GNA12: variants seen among roughly 807,000 people sequenced by gnomAD.
The protein encoded by GNA12 is G protein subunit alpha 12, also known as guanine nucleotide-binding protein subunit alpha-12.
In GNA12, 9 loss-of-function variants were observed where a neutral mutation model predicts 26.0. The ratio of observed to expected loss-of-function variants is 0.35; its 90% CI spans 0.21 to 0.60. The LOEUF (loss-of-function observed/expected upper bound fraction) is 0.60, where lower values mean the gene tolerates loss of function less well. Among genes scored for constraint, GNA12 ranks in the 20% least tolerant of loss-of-function variants. The pLI is 0.78. For missense variants in GNA12, 405 were observed against 525.8 expected (o/e 0.77, Z 2.25); for synonymous variants, 264 against 219.6 (o/e 1.20, Z -1.79).
At chr7:2,829,549 GCATCT>G (rs1370284581) in intron 1 of GNA12, among the ~76,000 whole-genome samples, 1 of 152,080 alleles carries the variant, frequency 6.6e-6, no homozygotes, top group Non-Finnish European at 1.5e-5. Context: ...ATTTCCCTGT[GCATCT>G]CATGTTAATG....
At chr7:2,817,357 C>A (rs1793241806) in intron 1 of GNA12, among the ~76,000 whole-genome samples, 1 of 152,288 alleles carries the variant, frequency 6.6e-6, no homozygotes, top group South Asian at 2.1e-4. Context: ...TCCTCCCACC[C>A]CTGCCTCGGC....
At chr7:2,774,272 T>C (rs927871881) in intron 2 of GNA12, among the ~76,000 whole-genome samples, 13 of 152,118 alleles carry the variant, frequency 8.5e-5, no homozygotes, top group African/African-American at 3.1e-4. Flanking sequence ...TGCATGCATA[T>C]ATATGTGTGT....
At chr7:2,809,612 G>T (rs1162538711) in intron 1 of GNA12, among the ~76,000 whole-genome samples, 2 of 152,060 alleles carry the variant, frequency 1.3e-5, no homozygotes, top group Non-Finnish European at 2.9e-5. Context: ...GCTACTCTGG[G>T]TACACCGCCT....
intron 1 of GNA12, among the ~76,000 whole-genome samples, chr7:2,823,452 A>T (rs1242455485): frequency 6.6e-6 from 1 of 152,208 alleles, no homozygotes; most frequent in East Asian, 1.9e-4. Flanking sequence ...GGGCATAAGG[A>T]AGAACAAATG....
At chr7:2,758,013 C>T (rs1466221523) in intron 2 of GNA12, among the ~76,000 whole-genome samples, 1 of 152,178 alleles carries the variant, frequency 6.6e-6, no homozygotes, top group Non-Finnish European at 1.5e-5. Context: ...GCTCTACAGA[C>T]CTAATAAATG....
At chr7:2,803,050 T>C (rs949051954) in intron 1 of GNA12, among the ~76,000 whole-genome samples, 6 of 152,200 alleles carry the variant, frequency 3.9e-5, no homozygotes, top group African/African-American at 1.4e-4. Context: ...CCAGTGACTA[T>C]ACCGAGGGCT....
At chr7:2,825,579 T>C (rs1440737296) in intron 1 of GNA12, among the ~76,000 whole-genome samples, 5 of 152,164 alleles carry the variant, frequency 3.3e-5, no homozygotes, top group Admixed American at 2.0e-4. Flanking sequence ...AGAAGTGCGT[T>C]TGTGCCATCA....
chr7:2,841,748 A>T (rs904545185), intron 1 of GNA12, among the ~76,000 whole-genome samples: 9 of 152,200 alleles, frequency 5.9e-5, no homozygotes, highest in Non-Finnish European at 1.3e-4. Flanking sequence ...CCCAGGAAGG[A>T]GTCACTTCAT....
At chr7:2,790,315 G>C (rs971198707) in intron 2 of GNA12, among the ~76,000 whole-genome samples, 30 of 151,898 alleles carry the variant, frequency 2.0e-4, no homozygotes, top group African/African-American at 4.9e-4. Flanking sequence ...GCAGTGGCGC[G>C]ATCTCAGCTC....
At chr7:2,819,854 A>G (rs1375917146) in intron 1 of GNA12, among the ~76,000 whole-genome samples, 1 of 152,218 alleles carries the variant, frequency 6.6e-6, no homozygotes, top group Non-Finnish European at 1.5e-5. Context: ...TAAAGCAACC[A>G]TTTGACTCAG....
At chr7:2,803,435 T>C (rs985018939) in intron 1 of GNA12, among the ~76,000 whole-genome samples, 27 of 151,646 alleles carry the variant, frequency 1.8e-4, no homozygotes, top group Non-Finnish European at 3.5e-4. Context: ...AGCAGGAGAG[T>C]GATCAGGAGC....
chr7:2,814,905 G>A (rs968209783), intron 1 of GNA12: 10 of 1,600,296 alleles, frequency 6.2e-6, no homozygotes, highest in African/African-American at 2.7e-5. Flanking sequence ...TGCTAGGCAC[G>A]GCCTGGGAAA....
chr7:2,784,529 C>T (rs117707051), intron 2 of GNA12, among the ~76,000 whole-genome samples: 2,141 of 152,330 alleles, frequency 0.014, 23 homozygotes, highest in Non-Finnish European at 0.021. Flanking sequence ...AACTTCCTCA[C>T]TGTATACTCC....
chr7:2,795,221 A>C, intron 1 of GNA12, 78 bp from the exon 2 acceptor site: 1 of 1,036,196 alleles, frequency 9.7e-7, no homozygotes, highest in Non-Finnish European at 1.5e-6. Context: ...CAAAATGGGC[A>C]TCCATTGTCA....
At chr7:2,780,027 T>A (rs1399862630) in intron 2 of GNA12, among the ~76,000 whole-genome samples, 4 of 144,750 alleles carry the variant, frequency 2.8e-5, no homozygotes, top group Non-Finnish European at 6.0e-5. Context: ...CACCACGTAC[T>A]AGTTTTTTAC....
rs552976858 is a variant in GNA12, at chr7:2,773,898, T to C, written c.525+21030A>G. Reference sequence around the variant, plus strand: ...ATCACCAGGAGGGCAGGGAACTAAATTGCGGGACATTCACAAAATGGAATT... The same window carrying C: ...ATCACCAGGAGGGCAGGGAACTAAACTGCGGGACATTCACAAAATGGAATT... On this transcript the variant is annotated intron_variant, in intron 2 of 3. Transcript: ENST00000275364. Among the ~76,000 whole-genome samples the C allele has an allele frequency of 5.9e-5, 9 of 152,240 alleles. No homozygotes were observed. The East Asian group carries it at 1.7e-3, about 29-fold the overall frequency.
At chr7:2,769,795 GT>G (rs1192484697) in intron 2 of GNA12, among the ~76,000 whole-genome samples, 1 of 152,002 alleles carries the variant, frequency 6.6e-6, no homozygotes, top group Admixed American at 6.6e-5. Context: ...TCCCAAAAAG[GT>G]TGTACCAATT....
chr7:2,782,925 G>A (rs1792266733), intron 2 of GNA12, among the ~76,000 whole-genome samples: 1 of 152,120 alleles, frequency 6.6e-6, no homozygotes, highest in Non-Finnish European at 1.5e-5. Context: ...TAGCCATTGA[G>A]TTTTTTAGTT....
Position 2,793,746 on chromosome 7 carries a change from G to T in GNA12, c.525+1182C>A, listed in dbSNP as rs566654797. On this transcript the variant is annotated intron_variant, in intron 2 of 3. Transcript: ENST00000275364. Reference sequence around the variant, plus strand: ...AAAAAATATAAAAATTAGCTGGTGTGGTGGTGGGTGCCTACAGTCTCTGCT... The same window carrying T: ...AAAAAATATAAAAATTAGCTGGTGTTGTGGTGGGTGCCTACAGTCTCTGCT... Among the ~76,000 whole-genome samples, 237 of 151,980 alleles carry T rather than the reference G, an allele frequency of 1.6e-3. 1 individual carries two copies. The highest frequency in any genetic ancestry group is 5.4e-3 in the African/African-American group (225 of 41,440).
Sources: allele counts gnomAD v4.1 joint callset (sites outside exome capture counted in the v4.1 genomes callset), GRCh38; gene constraint gnomAD v4.1.1; transcripts MANE v1.5; gene names NCBI Gene and HGNC (gene_info 2026-07-23, HGNC 2026-07-21).